Variants in RBFOX1 observed in about 807,000 individuals in gnomAD.
RBFOX1 encodes the protein RNA binding fox-1 homolog 1, also known as RNA binding protein fox-1 homolog 1.
In RBFOX1, 8 loss-of-function variants were observed where a neutral mutation model predicts 57.7. The ratio of observed to expected loss-of-function variants is 0.14; its 90% confidence interval spans 0.08 to 0.25. The LOEUF is 0.25. Among genes scored for constraint, RBFOX1 ranks in the 10% least tolerant of loss-of-function variants. The probability of loss-of-function intolerance (pLI) is 1.00; values close to 1 mark genes in which losing one functional copy is unlikely to be tolerated. For synonymous variants in RBFOX1, 326 were observed against 222.4 expected, an observed-to-expected ratio of 1.47 and a Z score of -4.15; for missense variants, 611 against 548.5, an observed-to-expected ratio of 1.11 and a Z score of -1.14.
chr16:7,298,190 C>G (rs1179730500), intron 4 of RBFOX1, among the ~76,000 whole-genome samples: 1 of 151,530 alleles, frequency 6.6e-6, no homozygotes, highest in African/African-American at 2.4e-5. Flanking sequence ...CCTGTTTCCC[C>G]TATTGCTGTT....
chr16:7,393,019 C>G (rs8050189), intron 4 of RBFOX1, among the ~76,000 whole-genome samples: 12,320 of 151,976 alleles, frequency 0.081, 532 homozygotes, highest in East Asian at 0.2. Flanking sequence ...GACTACAGGC[C>G]CATGCCACCA....
chr16:5,774,156 G>A (rs2054070155), intron 3 of RBFOX1, among the ~76,000 whole-genome samples: 1 of 152,166 alleles, frequency 6.6e-6, no homozygotes, highest in African/African-American at 2.4e-5. Flanking sequence ...GAGGAGGAGT[G>A]GGTTTATCCC....
At chr16:6,083,692 G>T (rs1361999362) in intron 1 of RBFOX1, among the ~76,000 whole-genome samples, 1 of 152,002 alleles carries the variant, frequency 6.6e-6, no homozygotes, top group African/African-American at 2.4e-5. Flanking sequence ...GCCCAGGCTG[G>T]ACTCAAACTC....
chr16:7,586,780 G>C (rs1311688283), intron 6 of RBFOX1, among the ~76,000 whole-genome samples: 1 of 152,092 alleles, frequency 6.6e-6, no homozygotes, highest in Non-Finnish European at 1.5e-5. Flanking sequence ...GTACTTTCTT[G>C]CTCATATGAT....
chr16:5,773,143 C>T (rs967861288), intron 3 of RBFOX1, among the ~76,000 whole-genome samples: 1 of 152,128 alleles, frequency 6.6e-6, no homozygotes, highest in Non-Finnish European at 1.5e-5. Flanking sequence ...GGCTTGGGTT[C>T]AGTGGCTCAA....
intron 4 of RBFOX1, among the ~76,000 whole-genome samples, chr16:5,958,947 C>T (rs1286869277): frequency 1.3e-5 from 2 of 152,206 alleles, no homozygotes; most frequent in African/African-American, 4.8e-5. Flanking sequence ...ACCTAAATCA[C>T]ATCTGCAGAG....
chr16:5,832,803 C>A (rs2056325408), intron 3 of RBFOX1, among the ~76,000 whole-genome samples: 1 of 152,192 alleles, frequency 6.6e-6, no homozygotes, highest in Admixed American at 6.5e-5. Context: ...AGCTGACTTT[C>A]CTATACTCCA....
chr16:5,644,749 C>G (rs976192009), intron 3 of RBFOX1, among the ~76,000 whole-genome samples: 1 of 152,154 alleles, frequency 6.6e-6, no homozygotes, highest in Admixed American at 6.5e-5. Context: ...AATAATACTC[C>G]GTTGTATGAA....
intron 4 of RBFOX1, among the ~76,000 whole-genome samples, chr16:7,289,784 A>C (rs200948790): frequency 1.3e-5 from 2 of 152,208 alleles, no homozygotes; most frequent in Non-Finnish European, 2.9e-5. Flanking sequence ...GTCTTGTGAG[A>C]TAAAAATATT....
intron 14 of RBFOX1, among the ~76,000 whole-genome samples, chr16:7,677,842 G>A (rs1194597430): frequency 6.6e-6 from 1 of 152,156 alleles, no homozygotes; most frequent in Non-Finnish European, 1.5e-5. Flanking sequence ...CGATGTATTT[G>A]ACTCCTGAAT....
At chr16:6,910,525 G>T (rs750334621) in intron 3 of RBFOX1, among the ~76,000 whole-genome samples, 1 of 152,174 alleles carries the variant, frequency 6.6e-6, no homozygotes, top group Non-Finnish European at 1.5e-5. Flanking sequence ...GCTTTTCCTT[G>T]TAGTTCTGGA....
chr16:6,853,159 C>G (rs56081887), intron 3 of RBFOX1, among the ~76,000 whole-genome samples: 11,526 of 152,266 alleles, frequency 0.076, 479 homozygotes, highest in South Asian at 0.16. Context: ...TTCTCTGAGC[C>G]TGAGTTTCCT....
At chr16:5,813,640 T>C (rs571821309) in intron 3 of RBFOX1, among the ~76,000 whole-genome samples, 2 of 152,250 alleles carry the variant, frequency 1.3e-5, no homozygotes, top group Non-Finnish European at 2.9e-5. Flanking sequence ...GTGTTCTTTA[T>C]ATAACAGGGA....
intron 4 of RBFOX1, among the ~76,000 whole-genome samples, chr16:7,054,232 G>GGT (rs2051202151): frequency 6.1e-5 from 2 of 32,700 alleles, no homozygotes; most frequent in Non-Finnish European, 1.0e-4. Context: ...GGGGCGGGGA[G>GGT]CTTTTTTTTT....
intron 3 of RBFOX1, among the ~76,000 whole-genome samples, chr16:6,818,398 C>T (rs554632079): frequency 6.6e-6 from 1 of 151,934 alleles, no homozygotes; most frequent in Admixed American, 6.6e-5. Context: ...AAGAAATGAA[C>T]TTCATCTGAC....
chr16:6,676,673 C>CTTTTTTTTTT (rs756578276), intron 3 of RBFOX1, among the ~76,000 whole-genome samples: 2 of 103,550 alleles, frequency 1.9e-5, no homozygotes, highest in African/African-American at 3.6e-5. Flanking sequence ...TTTTTCTTTT[C>CTTTTTTTTTT]TTTTTTTTTT....
rs192539389 is a variant in RBFOX1 at position 5,802,313 on chromosome 16, C to G, written c.319-64990C>G. 3.2e-3 allele frequency among the ~76,000 whole-genome samples: 492 copies of G among 152,238 alleles called. 3 individuals are homozygous for G. The highest frequency in any genetic ancestry group is 4.9e-3 in the Non-Finnish European group (332 of 68,000). On this transcript the variant is annotated intron_variant, in intron 3 of 19. Transcript: ENST00000641259. ...GATACAAAAGGGGTGTTTCCACTTG[C>G]AGCCAGGGAACCAACTTTGCCTCCT...
chr16:7,079,649 G>A (rs1419869329), intron 4 of RBFOX1, among the ~76,000 whole-genome samples: 3 of 152,132 alleles, frequency 2.0e-5, no homozygotes, highest in African/African-American at 7.2e-5. Flanking sequence ...TGGAGAGACA[G>A]CCAGGAAGAT....
At chr16:7,589,372 G>C (rs1409036907) in intron 7 of RBFOX1, among the ~76,000 whole-genome samples, 1 of 152,160 alleles carries the variant, frequency 6.6e-6, no homozygotes, top group East Asian at 1.9e-4. Context: ...CATTTTGAAA[G>C]TACAATGGTG....
Sources: gnomAD v4.1 joint callset for allele counts (sites outside exome capture counted in the v4.1 genomes callset) on GRCh38, gnomAD v4.1.1 for gene constraint, MANE v1.5 for transcripts, NCBI Gene and HGNC (gene_info 2026-07-23, HGNC 2026-07-21) for gene names.